The following LRRTM4 variants were observed in gnomAD, a reference collection of about 807,000 sequenced individuals.
LRRTM4 encodes leucine-rich repeat transmembrane neuronal protein 4.
A neutral mutation model predicts 47.6 loss-of-function variants in LRRTM4; 25 were observed. That is an observed-to-expected ratio of 0.53 (90% confidence interval 0.38 to 0.73). The LOEUF (loss-of-function observed/expected upper bound fraction) is 0.73, where lower values mean the gene tolerates loss of function less well. Among genes scored for constraint, LRRTM4 ranks in the 30% least tolerant of loss-of-function variants. The pLI is 0.00. For missense variants in LRRTM4, 638 were observed against 713.4 expected (o/e 0.89, Z 1.20); for synonymous variants, 311 against 269.5 (o/e 1.15, Z -1.51).
chr2:77,028,588 A>G (rs1375108327), intron 3 of LRRTM4, among the ~76,000 whole-genome samples: 1 of 152,182 alleles, frequency 6.6e-6, no homozygotes, highest in Non-Finnish European at 1.5e-5. Context: ...GAATAAGGTA[A>G]ATATTGATTC....
In LRRTM4 at chr2:77,021,627, A is replaced by G. The variant is rs113904981; in HGVS notation, c.1552-272711T>C. Among the ~76,000 whole-genome samples, 1,210 of 152,304 alleles carry G rather than the reference A, an allele frequency of 7.9e-3. 17 individuals are homozygous for G. The highest frequency in any genetic ancestry group is 0.028 in the African/African-American group (1,162 of 41,564). ...TAGAGAAAGATCTCCAGTTATCCCA[A>G]CCAGGTCCCATCTTTAACCAGACTG... On this transcript the variant is annotated intron_variant, in intron 3 of 3. Coordinates refer to ENST00000409884, the MANE Select transcript of LRRTM4 (RefSeq NM_001134745.3).
At chr2:76,902,360 T>G (rs1160356486) in intron 3 of LRRTM4, among the ~76,000 whole-genome samples, 1 of 152,192 alleles carries the variant, frequency 6.6e-6, no homozygotes, top group African/African-American at 2.4e-5. Flanking sequence ...AAAAAAATAA[T>G]TAGCCAGCCC....
At chr2:76,936,954 C>CAAGAAAAA (rs1674972787) in intron 3 of LRRTM4, among the ~76,000 whole-genome samples, 1 of 22,696 alleles carries the variant, frequency 4.4e-5, no homozygotes, top group South Asian at 3.0e-3. Context: ...GACTCCATCT[C>CAAGAAAAA]AAAAAAAAAA....
intron 3 of LRRTM4, among the ~76,000 whole-genome samples, chr2:77,072,265 A>C (rs890820754): frequency 2.6e-5 from 4 of 152,148 alleles, no homozygotes; most frequent in African/African-American, 9.7e-5. Context: ...CTCTATTTAA[A>C]AAGTATAGGT....
chr2:77,089,992 C>T (rs1227735834), intron 3 of LRRTM4, among the ~76,000 whole-genome samples: 1 of 152,124 alleles, frequency 6.6e-6, no homozygotes, highest in Non-Finnish European at 1.5e-5. Flanking sequence ...TAACCCCAAG[C>T]ATCGCTGAGT....
At chr2:77,050,128 CTTTTT>C (rs745419725) in intron 3 of LRRTM4, among the ~76,000 whole-genome samples, 29 of 112,678 alleles carry the variant, frequency 2.6e-4, no homozygotes, top group African/African-American at 9.4e-4. Context: ...AGAACCAAGT[CTTTTT>C]TTTTTTTTTT....
intron 3 of LRRTM4, among the ~76,000 whole-genome samples, chr2:77,473,457 T>C (rs1271885182): frequency 6.6e-6 from 1 of 152,156 alleles, no homozygotes; most frequent in Non-Finnish European, 1.5e-5. Flanking sequence ...ATTGATTTTA[T>C]GCACAGTGCT....
At chr2:77,412,463 T>C (rs1573379677) in intron 3 of LRRTM4, among the ~76,000 whole-genome samples, 2 of 152,234 alleles carry the variant, frequency 1.3e-5, no homozygotes, top group Non-Finnish European at 2.9e-5. Flanking sequence ...CAGTGTTTAA[T>C]CTTGGGATAA....
intron 3 of LRRTM4, among the ~76,000 whole-genome samples, chr2:76,750,494 T>C (rs1472266444): frequency 6.6e-6 from 1 of 152,220 alleles, no homozygotes; most frequent in Non-Finnish European, 1.5e-5. Flanking sequence ...TTCTAAAATT[T>C]CTTTCTTAAA....
chr2:77,512,810 C>A (rs1281221441), intron 3 of LRRTM4, among the ~76,000 whole-genome samples: 1 of 152,074 alleles, frequency 6.6e-6, no homozygotes, highest in Non-Finnish European at 1.5e-5. Flanking sequence ...ATTCCTAAGA[C>A]CACAGACTTC....
At chr2:77,360,193 C>G (rs888592723) in intron 3 of LRRTM4, among the ~76,000 whole-genome samples, 2 of 152,104 alleles carry the variant, frequency 1.3e-5, no homozygotes, top group African/African-American at 2.4e-5. Context: ...AACAGTGGCT[C>G]ACGCCTGTAA....
intron 3 of LRRTM4, among the ~76,000 whole-genome samples, chr2:77,467,293 C>T (rs895343585): frequency 3.3e-5 from 5 of 152,160 alleles, no homozygotes; most frequent in South Asian, 2.1e-4. Context: ...ACCACCCTGA[C>T]GAGTGACAGC....
At chr2:77,096,565 T>G (rs951839482) in intron 3 of LRRTM4, among the ~76,000 whole-genome samples, 5 of 151,464 alleles carry the variant, frequency 3.3e-5, no homozygotes, top group Non-Finnish European at 5.9e-5. Context: ...AAATGAGAGT[T>G]AAATAATGTC....
At chr2:76,920,684 T>G (rs79288708) in intron 3 of LRRTM4, among the ~76,000 whole-genome samples, 1,650 of 152,192 alleles carry the variant, frequency 0.011, 35 homozygotes, top group African/African-American at 0.038. Context: ...TACAGAATAA[T>G]GCTACAGCAG....
chr2:77,411,940 G>A (rs1674458479), intron 3 of LRRTM4, among the ~76,000 whole-genome samples: 1 of 152,154 alleles, frequency 6.6e-6, no homozygotes, highest in Admixed American at 6.5e-5. Context: ...TTGGTTTTAG[G>A]TTCTGAGGTC....
At chr2:77,161,564 T>G (rs1672729047) in intron 3 of LRRTM4, among the ~76,000 whole-genome samples, 3 of 152,148 alleles carry the variant, frequency 2.0e-5, no homozygotes, top group Admixed American at 2.0e-4. Context: ...TTTTCTTCCT[T>G]AATAATAAAT....
At chr2:77,187,268 C>T (rs1279877632) in intron 3 of LRRTM4, among the ~76,000 whole-genome samples, 1 of 152,138 alleles carries the variant, frequency 6.6e-6, no homozygotes, top group East Asian at 1.9e-4. Flanking sequence ...ACCTCGATTT[C>T]AGCCAAATCA....
At chr2:76,822,504 G>C (rs1671080748) in intron 3 of LRRTM4, among the ~76,000 whole-genome samples, 1 of 151,320 alleles carries the variant, frequency 6.6e-6, no homozygotes, top group South Asian at 2.1e-4. Flanking sequence ...AAACAAACAA[G>C]ATGAACTTTA....
intron 3 of LRRTM4, among the ~76,000 whole-genome samples, chr2:77,192,513 T>C (rs1369271728): frequency 6.6e-6 from 1 of 152,152 alleles, no homozygotes; most frequent in African/African-American, 2.4e-5. Context: ...CACTCTTCTT[T>C]TGAAATTGAG....
Sources: allele counts gnomAD v4.1 joint callset (sites outside exome capture counted in the v4.1 genomes callset), GRCh38; gene constraint gnomAD v4.1.1; transcripts MANE v1.5; gene names NCBI Gene and HGNC (gene_info 2026-07-23, HGNC 2026-07-21).